The following SLC13A4 variants were observed in gnomAD, a reference collection of about 807,000 sequenced individuals.
The protein encoded by SLC13A4 is solute carrier family 13 member 4.
Under a neutral mutation model 72.7 loss-of-function variants are expected in SLC13A4, and 28 were observed. That is an observed-to-expected ratio of 0.39 (90% CI 0.29 to 0.53). The LOEUF is 0.53. SLC13A4 is among the 20% of genes least tolerant of loss of function. SLC13A4 has a pLI of 0.78. For missense variants in SLC13A4, 653 were observed against 788.0 expected (o/e 0.83, Z 2.05); for synonymous variants, 312 against 325.5 (o/e 0.96, Z 0.45).
intron 9 of SLC13A4, among the ~76,000 whole-genome samples, chr7:135,695,063 C>T (rs1023113319): frequency 6.6e-6 from 1 of 152,162 alleles, no homozygotes; most frequent in Non-Finnish European, 1.5e-5. Flanking sequence ...GCTTTGAGAG[C>T]AATAAAACGA....
chr7:135,724,898 A>C (rs184544389), intron 1 of SLC13A4, among the ~76,000 whole-genome samples: 7 of 152,218 alleles, frequency 4.6e-5, no homozygotes, highest in African/African-American at 1.7e-4. Context: ...AAAATACTGC[A>C]AAGTTTGCTT....
In SLC13A4 at chr7:135,725,803, A is replaced by T. The variant is rs191798639; in HGVS notation, c.99+1595T>A. ...TGAAACCCCCATTTCTACAAAAAAA[A>T]TTTTTTTAAAAATTAGCTGCATGTG... On this transcript the variant is annotated intron_variant, in intron 1 of 15. Coordinates refer to ENST00000682651, the MANE Select transcript of SLC13A4 (RefSeq NM_001318192.2). 5.1e-3 allele frequency among the ~76,000 whole-genome samples: 770 copies of T among 152,084 alleles called. 2 individuals are homozygous for T. Among genetic ancestry groups the T allele is most frequent in the Non-Finnish European group, 6.7e-3 (453 of 67,994 alleles).
chr7:135,700,681 G>A (rs1005766390), intron 7 of SLC13A4, among the ~76,000 whole-genome samples: 3 of 152,172 alleles, frequency 2.0e-5, no homozygotes, highest in African/African-American at 7.2e-5. Context: ...GTTTCACTCT[G>A]TTGCCCAGGC....
At chr7:135,726,903 G>A (rs1796670133) in intron 1 of SLC13A4, among the ~76,000 whole-genome samples, 1 of 152,190 alleles carries the variant, frequency 6.6e-6, no homozygotes, top group South Asian at 2.1e-4. Context: ...GGTCATCGAA[G>A]CCCACCAGGA....
chr7:135,691,740 T>C (rs1242146176), intron 11 of SLC13A4, 95 bp from the exon 12 acceptor site: 4 of 790,446 alleles, frequency 5.1e-6, no homozygotes, highest in African/African-American at 3.5e-5. Context: ...CAGTGCCTCT[T>C]TTTAGGACTT....
intron 3 of SLC13A4, among the ~76,000 whole-genome samples, chr7:135,706,660 G>A (rs1362578469): frequency 6.6e-6 from 1 of 152,212 alleles, no homozygotes; most frequent in African/African-American, 2.4e-5. Flanking sequence ...GTGTTTGTGT[G>A]TGGAAGGCAA....
At chr7:135,722,138 G>A (rs1796562074) in intron 1 of SLC13A4, among the ~76,000 whole-genome samples, 1 of 152,154 alleles carries the variant, frequency 6.6e-6, no homozygotes, top group Non-Finnish European at 1.5e-5. Flanking sequence ...CAGCTACTTG[G>A]GAGGCTGATG....
At chr7:135,713,580 A>G (rs1041827132) in intron 2 of SLC13A4, among the ~76,000 whole-genome samples, 5 of 151,634 alleles carry the variant, frequency 3.3e-5, no homozygotes, top group African/African-American at 1.2e-4. Context: ...TGTGTTTTTT[A>G]TTTTATATAT....
At chr7:135,682,238 A>C (rs1795519809) in intron 15 of SLC13A4, among the ~76,000 whole-genome samples, 1 of 152,196 alleles carries the variant, frequency 6.6e-6, no homozygotes, top group Admixed American at 6.5e-5. Flanking sequence ...GGACACAGGC[A>C]TGCTAGCTGG....
intron 2 of SLC13A4, among the ~76,000 whole-genome samples, chr7:135,720,136 C>T (rs545113716): frequency 6.6e-6 from 1 of 152,266 alleles, no homozygotes; most frequent in East Asian, 1.9e-4. Flanking sequence ...TTAAAGCATC[C>T]ATAGGCCCCG....
chr7:135,695,152 G>A (rs113293320), intron 9 of SLC13A4, among the ~76,000 whole-genome samples: 8 of 152,198 alleles, frequency 5.3e-5, no homozygotes, highest in African/African-American at 9.7e-5. Context: ...AGAACATTTC[G>A]TTGTAGAGCT....
At chr7:135,685,254 C>T (rs558366525) in intron 14 of SLC13A4, among the ~76,000 whole-genome samples, 1 of 152,324 alleles carries the variant, frequency 6.6e-6, no homozygotes, top group South Asian at 2.1e-4. Context: ...TCTTTGGTTT[C>T]CACTCAGGGC....
rs1795983648 is a variant in SLC13A4 at position 135,699,555 on chromosome 7, A to C, written c.715-7T>G. On this transcript the variant is annotated splice_polypyrimidine_tract_variant and splice_region_variant and intron_variant, in intron 7 of 15. Transcript: ENST00000682651. ...TCAGGACTTGTGGCTTTTCCTAACG[A>C]AGGAAAATCAGCAAATCTGTCCAAC... The C allele has an allele frequency of 6.3e-7, 1 of 1,589,680 alleles. No individual in the cohort carries two copies. The highest frequency in any genetic ancestry group is 1.3e-5 in the African/African-American group (1 of 74,370).
intron 13 of SLC13A4, among the ~76,000 whole-genome samples, chr7:135,689,239 A>G (rs1279524453): frequency 6.6e-6 from 1 of 152,204 alleles, no homozygotes; most frequent in Non-Finnish European, 1.5e-5. Context: ...TCAGAGGCCA[A>G]AACTAACAAC....
At chr7:135,698,235 G>A (rs1323287357) in intron 8 of SLC13A4, among the ~76,000 whole-genome samples, 1 of 151,542 alleles carries the variant, frequency 6.6e-6, no homozygotes, top group Non-Finnish European at 1.5e-5. Flanking sequence ...GTTTCACCAT[G>A]TTGGCCAGGC....
Position 135,691,477 on chromosome 7 carries a change from T to C in SLC13A4, c.1321+71A>G, listed in dbSNP as rs113076332. 11 of 1,531,358 alleles carry C rather than the reference T, an allele frequency of 7.2e-6. No homozygotes were observed. In the African/African-American group the frequency reaches 1.5e-4, roughly 21 times the overall value. 94.9% of individuals were successfully genotyped at this position (1,531,358 alleles called of 1,614,324 possible). A position where few individuals can be genotyped will look rare whatever the true frequency, so the allele number is the denominator to read the frequency against. ...GGAATCTGAAGGACCTTGGTAAATC[T>C]CTTTGGGAGTATTAGTCTGATTTGG... On this transcript the variant is annotated intron_variant, in intron 12 of 15. Transcript: ENST00000682651.
At chr7:135,715,003 AGTGT>A (rs1027258193) in intron 2 of SLC13A4, among the ~76,000 whole-genome samples, 8 of 149,976 alleles carry the variant, frequency 5.3e-5, no homozygotes, top group African/African-American at 1.5e-4. Flanking sequence ...TGTATATGTG[AGTGT>A]GTATTTGTGT....
At chr7:135,698,735 A>G (rs1248155033) in intron 8 of SLC13A4, among the ~76,000 whole-genome samples, 1 of 151,158 alleles carries the variant, frequency 6.6e-6, no homozygotes, top group Admixed American at 6.6e-5. Context: ...CCCAGGTTCA[A>G]GTGATTCTCC....
chr7:135,719,059 C>T (rs957804614), intron 2 of SLC13A4, among the ~76,000 whole-genome samples: 19 of 152,216 alleles, frequency 1.2e-4, no homozygotes, highest in Admixed American at 3.9e-4. Flanking sequence ...CAGGTGGATT[C>T]GGATTTTTCA....
Sources: allele counts gnomAD v4.1 joint callset (sites outside exome capture counted in the v4.1 genomes callset), GRCh38; gene constraint gnomAD v4.1.1; transcripts MANE v1.5; gene names NCBI Gene and HGNC (gene_info 2026-07-23, HGNC 2026-07-21).